Variants in ZC3H6 observed in about 807,000 individuals in gnomAD.
The protein encoded by ZC3H6 is zinc finger CCCH-type containing 6.
A neutral mutation model predicts 107.7 loss-of-function variants in ZC3H6; 40 were observed. That is an observed-to-expected ratio of 0.37 (90% CI 0.29 to 0.48). The LOEUF (loss-of-function observed/expected upper bound fraction) is 0.48. Among genes scored for constraint, ZC3H6 ranks in the 20% least tolerant of loss-of-function variants. The pLI, the probability that ZC3H6 is intolerant of heterozygous loss-of-function variation, is 0.98. For synonymous variants in ZC3H6, 493 were observed against 487.9 expected (o/e 1.01, Z -0.14); for missense variants, 1,267 against 1,410.4 (o/e 0.90, Z 1.63).
chr2:112,292,653 G>A (rs1676144433), intron 1 of ZC3H6, among the ~76,000 whole-genome samples: 1 of 152,154 alleles, frequency 6.6e-6, no homozygotes, highest in Non-Finnish European at 1.5e-5. Flanking sequence ...ATTCATCAGG[G>A]AATGTTAGCA....
At chr2:112,300,624 G>T (rs767346886) in intron 2 of ZC3H6, among the ~76,000 whole-genome samples, 6 of 152,202 alleles carry the variant, frequency 3.9e-5, no homozygotes, top group Non-Finnish European at 7.3e-5. Flanking sequence ...CAGATTAGCA[G>T]CATTGGCATT....
intron 1 of ZC3H6, among the ~76,000 whole-genome samples, chr2:112,276,366 G>A (rs1250895463): frequency 6.6e-6 from 1 of 151,874 alleles, no homozygotes; most frequent in East Asian, 1.9e-4. Context: ...GCCCGTCCAG[G>A]TGTCGGTGCT....
intron 7 of ZC3H6, among the ~76,000 whole-genome samples, chr2:112,320,992 T>C (rs2104719818): frequency 6.6e-6 from 1 of 152,216 alleles, no homozygotes; most frequent in East Asian, 1.9e-4. Flanking sequence ...AAAAAAGATT[T>C]TGAATTTTAT....
At chr2:112,330,748 G>C (rs559056628) in intron 11 of ZC3H6, among the ~76,000 whole-genome samples, 1 of 152,060 alleles carries the variant, frequency 6.6e-6, no homozygotes, top group East Asian at 1.9e-4. Flanking sequence ...TTCCTTAATA[G>C]AGTATAATGA....
chr2:112,280,174 T>C (rs1477474757), intron 1 of ZC3H6, among the ~76,000 whole-genome samples: 2 of 152,260 alleles, frequency 1.3e-5, no homozygotes, highest in Non-Finnish European at 2.9e-5. Flanking sequence ...TTTCTCAGAT[T>C]AGAGTACACT....
At chr2:112,309,090 A>G (rs189872180) in intron 3 of ZC3H6, among the ~76,000 whole-genome samples, 51 of 152,254 alleles carry the variant, frequency 3.3e-4, no homozygotes, top group Middle Eastern at 3.4e-3. Flanking sequence ...GCACTAAGCT[A>G]AAGATGAATT....
rs1021672343 is a variant in ZC3H6, at chr2:112,324,055, T to TA, written c.1341-90dup. The TA allele has an allele frequency of 9.0e-6, 12 of 1,340,768 alleles. No individual in the cohort carries two copies. In the Admixed American group the frequency reaches 2.4e-4, roughly 26 times the overall value. The allele number at this position is 1,340,768 out of a possible 1,614,324, so 83.1% of individuals were successfully genotyped here. ...AAACACACAGTATTCTATTCTGATG[T>TA]AAAAAAAGTACTTAACCAATATCTG... On this transcript the variant is annotated intron_variant, in intron 9 of 11. Transcript: ENST00000409871.
At chr2:112,316,141 A>G (rs948812712) in intron 5 of ZC3H6, among the ~76,000 whole-genome samples, 28 of 152,344 alleles carry the variant, frequency 1.8e-4, no homozygotes, top group Non-Finnish European at 1.5e-5. Context: ...AGTCTTTTAT[A>G]ACATACCTAT....
At chr2:112,287,320 A>G (rs1044968867) in intron 1 of ZC3H6, among the ~76,000 whole-genome samples, 4 of 152,178 alleles carry the variant, frequency 2.6e-5, no homozygotes, top group African/African-American at 9.7e-5. Context: ...TAAATGAAAT[A>G]TAAAAATAAT....
Position 112,331,081 on chromosome 2 carries a change from G to C in ZC3H6, c.2163G>C (p.Gln721His). The change falls in exon 12 of 12, where the codon CAG becomes CAC. Residue 721 changes from glutamine (Q) to histidine (H), a missense_variant. This residue lies in a region of ZC3H6 where 925 missense variants were observed against 1,025.7 expected (regional missense o/e 0.90). Transcript: ENST00000409871. ...TCAAATCAATACTGAAAACATTACA[G>C]AAACAAACAGAAACTTTAAGGAATC... is the stretch of plus-strand genomic sequence containing the variant. Reference protein sequence around the residue: ...SSVKSILKTLQKQTETLRNQQ... With the variant: ...SSVKSILKTLHKQTETLRNQQ... 6.2e-7 allele frequency: 1 copy of C among 1,602,926 alleles called. No individual in the cohort carries two copies. The highest frequency in any genetic ancestry group is 8.5e-7 in the Non-Finnish European group (1 of 1,174,458).
At chr2:112,301,553 T>G (rs149894755) in intron 2 of ZC3H6, among the ~76,000 whole-genome samples, 1 of 152,242 alleles carries the variant, frequency 6.6e-6, no homozygotes, top group East Asian at 1.9e-4. Flanking sequence ...AGAAGCAAGA[T>G]AAGACTATGG....
intron 1 of ZC3H6, among the ~76,000 whole-genome samples, chr2:112,283,863 CTTAG>C (rs1686565066): frequency 6.6e-6 from 1 of 152,290 alleles, no homozygotes; most frequent in African/African-American, 2.4e-5. Flanking sequence ...ACAATTTCAT[CTTAG>C]TTAAAAATTC....
At chr2:112,277,128 G>A (rs927233390) in intron 1 of ZC3H6, among the ~76,000 whole-genome samples, 1 of 152,060 alleles carries the variant, frequency 6.6e-6, no homozygotes, top group Non-Finnish European at 1.5e-5. Flanking sequence ...AATCTTGAGA[G>A]GGATAAAAAT....
At chr2:112,277,880 A>C (rs1295306770) in intron 1 of ZC3H6, among the ~76,000 whole-genome samples, 2 of 152,166 alleles carry the variant, frequency 1.3e-5, no homozygotes, top group East Asian at 3.8e-4. Flanking sequence ...CTACAAGATC[A>C]GATCAATGGT....
chr2:112,289,060 TTC>T (rs1160038474), intron 1 of ZC3H6, among the ~76,000 whole-genome samples: 2 of 72,170 alleles, frequency 2.8e-5, no homozygotes, highest in Non-Finnish European at 6.1e-5. Context: ...TTTCTTTTTT[TTC>T]TTTTTTTTTT....
At chr2:112,310,628 G>C (rs556271491) in intron 4 of ZC3H6, among the ~76,000 whole-genome samples, 1 of 152,322 alleles carries the variant, frequency 6.6e-6, no homozygotes, top group South Asian at 2.1e-4. Flanking sequence ...CTGATCACCT[G>C]TTTATCTGCA....
intron 11 of ZC3H6, among the ~76,000 whole-genome samples, chr2:112,327,952 C>T (rs1054790039): frequency 2.0e-5 from 3 of 151,796 alleles, no homozygotes; most frequent in Non-Finnish European, 1.5e-5. Flanking sequence ...TACAGTGGTG[C>T]GATCTCGGCT....
At chr2:112,319,705 C>T (rs1676766390) in intron 7 of ZC3H6, among the ~76,000 whole-genome samples, 1 of 151,620 alleles carries the variant, frequency 6.6e-6, no homozygotes, top group African/African-American at 2.4e-5. Context: ...GAAATATTTA[C>T]AACAAATGAT....
chr2:112,303,763 A>G (rs535267800), intron 3 of ZC3H6, among the ~76,000 whole-genome samples: 75 of 152,320 alleles, frequency 4.9e-4, no homozygotes, highest in Non-Finnish European at 7.2e-4. Flanking sequence ...GTGTGTATAT[A>G]TCACATTTTG....
Sources: gnomAD v4.1 joint callset for allele counts (sites outside exome capture counted in the v4.1 genomes callset) on GRCh38, gnomAD v4.1.1 for gene constraint, gnomAD v4.1.1 regional missense constraint, MANE v1.5 for transcripts, NCBI Gene and HGNC (gene_info 2026-07-23, HGNC 2026-07-21) for gene names.